PAX3: variants seen among roughly 807,000 people sequenced by gnomAD.
The protein encoded by PAX3 is paired box protein Pax-3.
PAX3 carries 14 observed loss-of-function variants against 51.6 expected under a neutral mutation model. That is an observed-to-expected ratio of 0.27 (90% confidence interval 0.18 to 0.42). PAX3 has a LOEUF of 0.42. PAX3 is among the 10% of genes least tolerant of loss of function. The pLI, the probability that PAX3 is intolerant of heterozygous loss-of-function variation, is 1.00. For synonymous variants in PAX3, 280 were observed against 253.4 expected, an observed-to-expected ratio of 1.11 and a Z score of -1.00; for missense variants, 540 against 642.8, an observed-to-expected ratio of 0.84 and a Z score of 1.73.
intron 4 of PAX3, 70 bp downstream of exon 4, chr2:222,294,097 C>T (rs1181396496): frequency 1.2e-6 from 2 of 1,606,012 alleles, no homozygotes; most frequent in South Asian, 2.2e-5. Flanking sequence ...GCCGTCAGAT[C>T]ACCAATGTCA....
Position 222,202,199 on chromosome 2 carries a change from A to G in PAX3, c.1174-9T>C, listed in dbSNP as rs1221107964. On this transcript the variant is annotated splice_polypyrimidine_tract_variant and intron_variant, in intron 7 of 8. Transcript: ENST00000392070. ...GTCAGGAGTCCCATTACCTAAAAAA[A>G]CAGCCAGATTGGGAAGAGGTTAAAA... 1 of 1,571,110 alleles carries G rather than the reference A, an allele frequency of 6.4e-7. No homozygotes were observed. The highest frequency in any genetic ancestry group is 8.7e-7 in the Non-Finnish European group (1 of 1,153,072).
intron 5 of PAX3, 51 bp downstream of exon 5, chr2:222,232,023 CTTGT>C: frequency 6.6e-7 from 1 of 1,516,054 alleles, no homozygotes; most frequent in East Asian, 2.3e-5. Flanking sequence ...TGAGAAGATG[CTTGT>C]TTGTTTCCTG....
intron 7 of PAX3, among the ~76,000 whole-genome samples, chr2:222,212,675 G>A (rs569119742): frequency 1.0e-3 from 151 of 151,060 alleles, no homozygotes; most frequent in African/African-American, 3.6e-3. Flanking sequence ...TACAACTAAT[G>A]ACTAAATCAA....
intron 7 of PAX3, among the ~76,000 whole-genome samples, chr2:222,216,838 C>G (rs935516852): frequency 2.0e-5 from 3 of 152,130 alleles, no homozygotes; most frequent in African/African-American, 7.2e-5. Context: ...TCACAATTTC[C>G]AAGTGTGGAT....
In PAX3 at chr2:222,265,691, G is replaced by GGAGAGAGA. The variant is rs1553583541; in HGVS notation, c.586+28475_586+28476insTCTCTCTC. ...GGAAGGAAGGAAGGAAGGAAGGAAG[G>GGAGAGAGA]GAGAAAGATTGATTTTGATTTTTCC... On this transcript the variant is annotated intron_variant, in intron 4 of 8. Transcript: ENST00000392070. Among the ~76,000 whole-genome samples the GGAGAGAGA allele has an allele frequency of 6.3e-3, 898 of 141,774 alleles. 40 individuals are homozygous for GGAGAGAGA. Among genetic ancestry groups the GGAGAGAGA allele is most frequent in the Middle Eastern group, 0.011 (3 of 280 alleles). The allele number at this position is 141,774 out of a possible 152,430, so 93.0% of individuals were successfully genotyped here.
chr2:222,269,938 T>C (rs1694191317), intron 4 of PAX3, among the ~76,000 whole-genome samples: 1 of 152,120 alleles, frequency 6.6e-6, no homozygotes, highest in South Asian at 2.1e-4. Context: ...GTAGAAAGAA[T>C]TTAGTTCGAG....
At chr2:222,219,772 C>T (rs961840063) in intron 7 of PAX3, among the ~76,000 whole-genome samples, 6 of 152,110 alleles carry the variant, frequency 3.9e-5, no homozygotes, top group Admixed American at 1.3e-4. Context: ...GAAACCTTAT[C>T]AATTTTAAAT....
chr2:222,248,501 C>T lies in PAX3; in HGVS notation c.587-16218G>A, dbSNP rs74542800. On this transcript the variant is annotated intron_variant, in intron 4 of 8. Coordinates refer to ENST00000392070, the MANE Select transcript of PAX3 (RefSeq NM_181458.4). ...AAGAGCATTTTGTACTTTCCATACACACCGTGCCTTTCCTTGGTAATTAAA... is the reference window on the plus strand; with the variant it reads ...AAGAGCATTTTGTACTTTCCATACATACCGTGCCTTTCCTTGGTAATTAAA... Among the ~76,000 whole-genome samples, 491 of 152,330 alleles carry T rather than the reference C, an allele frequency of 3.2e-3. 1 individual carries two copies. The highest frequency in any genetic ancestry group is 9.6e-3 in the African/African-American group (400 of 41,580).
rs554271462 is a variant in PAX3, at chr2:222,294,426, G to C, written c.452-125C>G. On this transcript the variant is annotated intron_variant, in intron 3 of 8. Transcript: ENST00000392070. ...CTAGAGCCGCTGCCCTGCACTGCTCGCGGGTGTCTCCTCCTGCATCTCTGG... is the reference window on the plus strand; with the variant it reads ...CTAGAGCCGCTGCCCTGCACTGCTCCCGGGTGTCTCCTCCTGCATCTCTGG... 101 of 1,008,246 alleles carry C rather than the reference G, an allele frequency of 1.0e-4. 1 individual carries two copies. In the South Asian group the frequency reaches 1.3e-3, roughly 13 times the overall value. 62.5% of individuals were successfully genotyped at this position (1,008,246 alleles called of 1,614,324 possible). A position where few individuals can be genotyped will look rare whatever the true frequency, so the allele number is the denominator to read the frequency against.
chr2:222,226,105 A>G (rs546901594), intron 5 of PAX3, among the ~76,000 whole-genome samples: 1 of 152,332 alleles, frequency 6.6e-6, no homozygotes, highest in Non-Finnish European at 1.5e-5. Context: ...ATTATTCAAG[A>G]CGGATTACTT....
At chr2:222,279,314 T>TGTGTGA in intron 4 of PAX3, among the ~76,000 whole-genome samples, 1 of 150,742 alleles carries the variant, frequency 6.6e-6, no homozygotes, top group Non-Finnish European at 1.5e-5. Context: ...CGTGTGTGTG[T>TGTGTGA]GTGTGTGTGT....
intron 4 of PAX3, among the ~76,000 whole-genome samples, chr2:222,276,609 C>T (rs1228587643): frequency 6.6e-6 from 1 of 152,222 alleles, no homozygotes; most frequent in Admixed American, 6.5e-5. Context: ...TCGCCCAGAG[C>T]TTCCATTTGT....
chr2:222,285,549 A>G (rs886877932), intron 4 of PAX3, among the ~76,000 whole-genome samples: 2 of 152,238 alleles, frequency 1.3e-5, no homozygotes, highest in African/African-American at 2.4e-5. Context: ...ACAAAATAAA[A>G]ATGTAGACTT....
rs969605032 is a variant in PAX3 at position 222,200,849 on chromosome 2, T to C, written c.*559A>G. 2.6e-6 allele frequency: 1 copy of C among 385,370 alleles called. No individual in the cohort carries two copies. The highest frequency in any genetic ancestry group is 2.0e-5 in the African/African-American group (1 of 49,470). The allele number at this position is 385,370 out of a possible 1,614,324, so 23.9% of individuals were successfully genotyped here. A position where few individuals can be genotyped will look rare whatever the true frequency, so the allele number is the denominator to read the frequency against. ...GCTAGTCTAGCTTCCTAAAAATGGT[T>C]GCATTTATCTTTATTTCAATTTCCA... On this transcript the variant is annotated 3_prime_UTR_variant, in exon 9 of 9. Transcript: ENST00000392070.
intron 2 of PAX3, among the ~76,000 whole-genome samples, chr2:222,296,673 G>A (rs1048284650): frequency 2.0e-5 from 3 of 152,220 alleles, no homozygotes; most frequent in South Asian, 4.1e-4. Flanking sequence ...GGCACATAGA[G>A]CTTGCCTGCT....
intron 4 of PAX3, among the ~76,000 whole-genome samples, chr2:222,244,115 A>G (rs1179431344): frequency 6.6e-6 from 1 of 152,224 alleles, no homozygotes; most frequent in Non-Finnish European, 1.5e-5. Flanking sequence ...TAGGGGAGGA[A>G]TTGGCAAACC....
chr2:222,275,667 G>A (rs957587980), intron 4 of PAX3, among the ~76,000 whole-genome samples: 2 of 152,092 alleles, frequency 1.3e-5, no homozygotes, highest in Non-Finnish European at 2.9e-5. Flanking sequence ...CCTCTTGATA[G>A]GCTATGACAT....
chr2:222,284,989 C>A (rs560538607), intron 4 of PAX3, among the ~76,000 whole-genome samples: 72 of 152,202 alleles, frequency 4.7e-4, no homozygotes, highest in African/African-American at 1.7e-3. Context: ...TTTTATAAGG[C>A]AAGAAAGATC....
At chr2:222,255,917 ATTTTTT>A (rs57757180) in intron 4 of PAX3, among the ~76,000 whole-genome samples, 115 of 98,338 alleles carry the variant, frequency 1.2e-3, no homozygotes, top group African/African-American at 2.5e-3. Context: ...CGCCCAGCTA[ATTTTTT>A]TTTTTTTTTT....
Sources: gnomAD v4.1 joint callset for allele counts (sites outside exome capture counted in the v4.1 genomes callset) on GRCh38, gnomAD v4.1.1 for gene constraint, MANE v1.5 for transcripts, NCBI Gene and HGNC (gene_info 2026-07-23, HGNC 2026-07-21) for gene names.